Variants in SETD2 observed in about 807,000 individuals in gnomAD.
SETD2 encodes SET domain containing 2, histone lysine methyltransferase, also known as histone-lysine N-methyltransferase SETD2.
SETD2 carries 31 observed loss-of-function variants against 242.1 expected under a neutral mutation model. That is an observed-to-expected ratio of 0.13 (90% CI 0.10 to 0.17). The LOEUF (loss-of-function observed/expected upper bound fraction) is 0.17, where lower values mean the gene tolerates loss of function less well. Among genes scored for constraint, SETD2 ranks in the 10% least tolerant of loss-of-function variants. SETD2 has a pLI of 1.00. For synonymous variants in SETD2, 1,006 were observed against 1,066.5 expected, an observed-to-expected ratio of 0.94 and a Z score of 1.11; for missense variants, 2,481 against 3,046.3, an observed-to-expected ratio of 0.81 and a Z score of 4.37.
At chr3:47,062,934 A>AC (rs1229034776) in intron 13 of SETD2, among the ~76,000 whole-genome samples, 1 of 151,954 alleles carries the variant, frequency 6.6e-6, no homozygotes, top group Non-Finnish European at 1.5e-5. Context: ...ACGAAGCAAG[A>AC]CCCCATCTCT....
chr3:47,022,193 TCACACACACACACACACACA>T (rs55972218), intron 18 of SETD2, among the ~76,000 whole-genome samples: 2 of 131,026 alleles, frequency 1.5e-5, no homozygotes, highest in East Asian at 4.7e-4. Flanking sequence ...CAACAATCTG[TCACACACACACACACACACA>T]CACACACACA....
chr3:47,163,712 T>A, intron 1 of SETD2, 142 bp downstream of exon 1: 9 of 498,656 alleles, frequency 1.8e-5, no homozygotes, highest in African/African-American at 2.1e-5. Context: ...GGCGCGGGCC[T>A]GCTCCCGACA....
In SETD2 at chr3:47,124,146, C is replaced by T. The variant is rs1436035298; in HGVS notation, c.490G>A (p.Ala164Thr). Reference protein sequence around the residue: ...RPLLATTTAVASPPTHAAPLP... With the variant: ...RPLLATTTAVTSPPTHAAPLP... ...GGTGCTGCATGAGTAGGTGGAGATG[C>T]TACTGCTGTGGTAGTAGCCAGCAGT... Residue 164 changes from alanine to threonine, a missense_variant, in exon 3 of 21, where the codon GCA becomes ACA. By Grantham distance (58) the Ala-to-Thr change is moderately conservative (BLOSUM62 0). Around this residue, in one of 17 missense-constraint regions of SETD2, gnomAD observed 334 missense variants for 374.5 expected, o/e 0.89. Coordinates refer to ENST00000409792, the MANE Select transcript of SETD2 (RefSeq NM_014159.7). 1.3e-6 allele frequency: 2 copies of T among 1,551,970 alleles called. No homozygotes were observed. Among genetic ancestry groups the T allele is most frequent in the Admixed American group, 2.0e-5 (1 of 51,012 alleles).
chr3:47,067,596 G>A (rs2040617509), intron 12 of SETD2, among the ~76,000 whole-genome samples: 1 of 151,506 alleles, frequency 6.6e-6, no homozygotes, highest in African/African-American at 2.4e-5. Context: ...TTCTATTTTT[G>A]TAGAGATGGG....
chr3:47,046,326 G>A, intron 16 of SETD2, among the ~76,000 whole-genome samples, 161 bp downstream of exon 16: 1 of 144,966 alleles, frequency 6.9e-6, no homozygotes, highest in Admixed American at 7.0e-5. Context: ...GACAGAGCGA[G>A]ACTCTGTCTC....
At chr3:47,079,474 A>T (rs1455562943) in intron 12 of SETD2, among the ~76,000 whole-genome samples, 1 of 152,228 alleles carries the variant, frequency 6.6e-6, no homozygotes, top group Non-Finnish European at 1.5e-5. Context: ...TAGAAACATG[A>T]TCATTATGTC....
chr3:47,052,912 C>CA (rs2039911868), intron 15 of SETD2, among the ~76,000 whole-genome samples: 1 of 151,750 alleles, frequency 6.6e-6, no homozygotes, highest in African/African-American at 2.4e-5. Flanking sequence ...TTTTTTGAGA[C>CA]AGAGTCTCGC....
At chr3:47,090,467 C>T (rs528703060) in intron 9 of SETD2, among the ~76,000 whole-genome samples, 88 of 151,966 alleles carry the variant, frequency 5.8e-4, no homozygotes, top group Middle Eastern at 3.4e-3. Flanking sequence ...CTCAGCTCAC[C>T]GCAACCTCCA....
rs1229325454 is a variant in SETD2 at position 47,122,454 on chromosome 3, T to C, written c.2182A>G (p.Lys728Glu). ...SNGFQNISRC[K>E]EKDLDDTCML... is the part of the protein sequence containing the mutation. ...CAGGTATCATCCAAGTCTTTTTCTT[T>C]GCACCTACTAATATTCTGAAATCCA... is the stretch of plus-strand genomic sequence containing the variant. Residue 728 changes from lysine to glutamate, a missense_variant, in exon 3 of 21, where the codon AAA becomes GAA. Lys to Glu is a moderately conservative substitution (Grantham distance 56). Transcript: ENST00000409792. 4.3e-6 allele frequency: 7 copies of C among 1,614,156 alleles called. No individual in the cohort carries two copies.
chr3:47,154,344 G>C (rs548535622), intron 1 of SETD2, among the ~76,000 whole-genome samples: 3 of 152,232 alleles, frequency 2.0e-5, no homozygotes, highest in South Asian at 2.1e-4. Context: ...AGGAGGCAAA[G>C]GTTGCAGTGA....
intron 14 of SETD2, among the ~76,000 whole-genome samples, chr3:47,061,491 G>A (rs962591808): frequency 6.6e-6 from 1 of 151,974 alleles, no homozygotes; most frequent in African/African-American, 2.4e-5. Context: ...AGAAAACTGG[G>A]TAACTACATG....
intron 11 of SETD2, 88 bp downstream of exon 11, chr3:47,086,107 T>C (rs766726679): frequency 1.4e-6 from 2 of 1,444,306 alleles, no homozygotes; most frequent in South Asian, 2.3e-5. Flanking sequence ...CAGTGCTAAA[T>C]TCATAATTAC....
At chr3:47,103,743 C>T (rs985689391) in intron 6 of SETD2, among the ~76,000 whole-genome samples, 7 of 103,312 alleles carry the variant, frequency 6.8e-5, no homozygotes, top group African/African-American at 1.7e-4. Context: ...TGCACACGCA[C>T]GCACACACAC....
At chr3:47,027,164 T>C (rs139444099) in intron 18 of SETD2, among the ~76,000 whole-genome samples, 455 of 151,528 alleles carry the variant, frequency 3.0e-3, no homozygotes, top group African/African-American at 0.011. Flanking sequence ...TGAAACCCCA[T>C]CTCTACTAAA....
rs1033971564 is a variant in SETD2, at chr3:47,017,312, G to A, written c.7534-58C>T. ...ACCAATCAGAGCAGAAATTATATGA[G>A]GGGGAGGACAGGGGTGGTAATCCAG... On this transcript the variant is annotated intron_variant, in intron 20 of 20. Coordinates refer to ENST00000409792, the MANE Select transcript of SETD2 (RefSeq NM_014159.7). This position sits in a 1 kb window ranked among gnomAD's most constrained non-coding sequence, Gnocchi z 4.8. 2 of 1,586,554 alleles carry A rather than the reference G, an allele frequency of 1.3e-6. No individual in the cohort carries two copies. The highest frequency in any genetic ancestry group is 1.1e-5 in the South Asian group (1 of 89,338).
intron 18 of SETD2, among the ~76,000 whole-genome samples, chr3:47,035,586 A>G (rs1056360902): frequency 6.6e-6 from 1 of 152,200 alleles, no homozygotes; most frequent in Non-Finnish European, 1.5e-5. Flanking sequence ...AGTGAACTTC[A>G]TGCCCATTCC....
intron 3 of SETD2, chr3:47,119,715 AGTCTCGGGT>A (rs1329712323): frequency 2.3e-6 from 1 of 429,310 alleles, no homozygotes; most frequent in Non-Finnish European, 4.8e-6. Context: ...TTTTCTTCCC[AGTCTCGGGT>A]ATGTCTTTAT....
chr3:47,045,333 C>A (rs1329812011), intron 16 of SETD2, among the ~76,000 whole-genome samples: 1 of 151,946 alleles, frequency 6.6e-6, no homozygotes, highest in Admixed American at 6.6e-5. Flanking sequence ...TCGTGGCTAA[C>A]ACAGCGAAAC....
chr3:47,042,656 G>A lies in SETD2; in HGVS notation c.7143C>T (p.Pro2381=), dbSNP rs771580579. The A allele has an allele frequency of 1.1e-5, 18 of 1,612,088 alleles. No individual in the cohort carries two copies. The East Asian group carries it at 3.1e-4, about 28-fold the overall frequency. ...VTNNLLDLPP[P]SPPKPKTIVL... The stretch of plus-strand genomic sequence containing the variant: ...CAATGGTTTTTGGTTTGGGAGGAGA[G>A]GGGGGCGGCAGATCCAAGAGATTAT... Residue 2381 remains proline (P), a synonymous_variant, in exon 17 of 21, where the codon CCC becomes CCT. Transcript: ENST00000409792.
Sources: gnomAD v4.1 joint callset for allele counts (sites outside exome capture counted in the v4.1 genomes callset) on GRCh38, gnomAD v4.1.1 for gene constraint, gnomAD v4.1.1 regional missense constraint, Gnocchi (gnomAD v3.1) non-coding constraint, MANE v1.5 for transcripts, NCBI Gene and HGNC (gene_info 2026-07-23, HGNC 2026-07-21) for gene names.